The following CAPN9 variants were observed in gnomAD, a reference collection of about 807,000 sequenced individuals.
CAPN9 encodes calpain 9, also known as calpain-9.
A neutral mutation model predicts 92.8 loss-of-function variants in CAPN9; 81 were observed. The observed-to-expected ratio is 0.87, with a 90% CI of 0.73 to 1.05. CAPN9 has a LOEUF of 1.05. CAPN9 is among the 50% of genes least tolerant of loss of function. The pLI is 0.00. For missense variants in CAPN9, 848 were observed against 866.2 expected (o/e 0.98, Z 0.26); for synonymous variants, 304 against 328.0 (o/e 0.93, Z 0.79).
chr1:230,750,124 C>T (rs1378390214), intron 1 of CAPN9, among the ~76,000 whole-genome samples: 1 of 152,158 alleles, frequency 6.6e-6, no homozygotes, highest in African/African-American at 2.4e-5. Context: ...ATTATCTCCT[C>T]TGGCATTGCC....
chr1:230,800,240 A>C lies in CAPN9; in HGVS notation c.2047-1330A>C, dbSNP rs188244124. ...AAAAATAAGAAAGAAAGAAGAAAGA[A>C]AGAAAGAAAGAAAGAAAGAAAGAAA... On this transcript the variant is annotated intron_variant, in intron 19 of 19. Transcript: ENST00000271971. Among the ~76,000 whole-genome samples the C allele has an allele frequency of 9.3e-4, 77 of 82,640 alleles. 1 individual carries two copies. Among genetic ancestry groups the C allele is most frequent in the African/African-American group, 3.6e-3 (72 of 20,064 alleles). The allele number at this position is 82,640 out of a possible 152,430, so 54.2% of individuals were successfully genotyped here. A position where few individuals can be genotyped will look rare whatever the true frequency, so the allele number is the denominator to read the frequency against.
intron 11 of CAPN9, among the ~76,000 whole-genome samples, chr1:230,785,703 C>A (rs982857238): frequency 4.6e-5 from 7 of 152,186 alleles, no homozygotes; most frequent in African/African-American, 1.7e-4. Context: ...AATCTCTTTT[C>A]TTTATAAATT....
At chr1:230,792,670 C>T (rs1180752035) in intron 16 of CAPN9, among the ~76,000 whole-genome samples, 176 bp downstream of exon 16, 1 of 152,224 alleles carries the variant, frequency 6.6e-6, no homozygotes, top group Non-Finnish European at 1.5e-5. Context: ...CACCGTGCTT[C>T]CACCCAAGAC....
chr1:230,749,232 G>C (rs891510533), intron 1 of CAPN9, among the ~76,000 whole-genome samples: 9 of 152,220 alleles, frequency 5.9e-5, no homozygotes, highest in African/African-American at 2.2e-4. Context: ...TTGGTTCTCT[G>C]CATATGGCCA....
chr1:230,794,989 T>A (rs564390153), intron 17 of CAPN9, 174 bp from the exon 18 acceptor site: 3 of 591,728 alleles, frequency 5.1e-6, no homozygotes, highest in African/African-American at 3.7e-5. Flanking sequence ...TCACGCTGCA[T>A]TCACACCAAG....
Position 230,794,566 on chromosome 1 carries a change from G to C in CAPN9, c.1871-597G>C, listed in dbSNP as rs28359723. Reference sequence around the variant, plus strand: ...TTGACAATGAGGAAACCAAAGCCCAGAGAACTGAACCCATATGCCACGGCT... The same window carrying C: ...TTGACAATGAGGAAACCAAAGCCCACAGAACTGAACCCATATGCCACGGCT... On this transcript the variant is annotated intron_variant, in intron 17 of 19. Transcript: ENST00000271971. 7.7e-4 allele frequency among the ~76,000 whole-genome samples: 117 copies of C among 152,340 alleles called. 4 individuals carry two copies. The East Asian group carries it at 0.021, about 28-fold the overall frequency.
chr1:230,750,216 C>G (rs1664678886), intron 1 of CAPN9, among the ~76,000 whole-genome samples: 1 of 152,198 alleles, frequency 6.6e-6, no homozygotes, highest in Non-Finnish European at 1.5e-5. Flanking sequence ...CCCGACCTGC[C>G]ACCCAGCCCA....
chr1:230,787,495 G>T, intron 12 of CAPN9, 27 bp from the exon 13 acceptor site: 1 of 1,594,624 alleles, frequency 6.3e-7, no homozygotes, highest in Non-Finnish European at 8.6e-7. Flanking sequence ...GGATCATTTT[G>T]TGCAAGTTTC....
intron 8 of CAPN9, chr1:230,776,010 G>A (rs1244779746): frequency 6.6e-6 from 1 of 151,032 alleles, no homozygotes; most frequent in Non-Finnish European, 1.5e-5. Flanking sequence ...GTAGTGATTT[G>A]TTCTGCCTTC....
intron 1 of CAPN9, 128 bp from the exon 2 acceptor site, chr1:230,755,209 C>T (rs564424168): frequency 1.7e-5 from 12 of 722,228 alleles, no homozygotes; most frequent in South Asian, 1.0e-4. Flanking sequence ...CGTGGCCCTC[C>T]TCAGGGAAAA....
Position 230,747,708 on chromosome 1 carries a change from G to A in CAPN9, c.212G>A (p.Gly71Glu). ...ATCCCCTTTGTGTGGAAACGACCAGGGGTGAGTGGGGCGAGCAGGGGAAGG... is the reference window on the plus strand; with the variant it reads ...ATCCCCTTTGTGTGGAAACGACCAGAGGTGAGTGGGGCGAGCAGGGGAAGG... ...PQIPFVWKRP[G>E]EIVKNPEFIL... Residue 71 changes from glycine (G) to glutamate (E), a missense_variant and splice_region_variant, in exon 1 of 20, where the codon GGG (glycine) becomes GAG (glutamate). Gly to Glu is a moderately conservative substitution (Grantham distance 98). Coordinates refer to ENST00000271971, the MANE Select transcript of CAPN9 (RefSeq NM_006615.3). 3 of 1,613,782 alleles carry A rather than the reference G, an allele frequency of 1.9e-6. No individual in the cohort carries two copies. The highest frequency in any genetic ancestry group is 1.7e-5 in the Admixed American group (1 of 60,014).
At chr1:230,798,305 A>G in intron 19 of CAPN9, 85 bp downstream of exon 19, 1 of 867,342 alleles carries the variant, frequency 1.2e-6, no homozygotes, top group Non-Finnish European at 1.9e-6. Flanking sequence ...CGAATGCTTG[A>G]TTTCATGCAA....
In CAPN9 at chr1:230,769,273, T is replaced by C; in HGVS notation, c.789+10T>C. The C allele has an allele frequency of 6.2e-7, 1 of 1,600,150 alleles. No homozygotes were observed. Among genetic ancestry groups the C allele is most frequent in the Non-Finnish European group, 8.6e-7 (1 of 1,167,516 alleles). On this transcript the variant is annotated intron_variant, in intron 6 of 19. Coordinates refer to ENST00000271971, the MANE Select transcript of CAPN9 (RefSeq NM_006615.3). ...AACGGGAATTGACCAGGTAGGCGAC[T>C]TGAACTCCAACTGCAGGCTATGGGG...
chr1:230,800,244 AAG>A (rs1187446205), intron 19 of CAPN9, among the ~76,000 whole-genome samples: 2 of 100,642 alleles, frequency 2.0e-5, no homozygotes, highest in Non-Finnish European at 4.2e-5. Flanking sequence ...GAAAGAAAGA[AAG>A]AAAGAAAGAA....
intron 1 of CAPN9, among the ~76,000 whole-genome samples, chr1:230,751,601 GAAAGAA>G (rs1664795333): frequency 8.4e-5 from 1 of 11,858 alleles, no homozygotes; most frequent in Non-Finnish European, 1.8e-4. Flanking sequence ...AAGAAAGAAA[GAAAGAA>G]AGAGAAAGAA....
At chr1:230,752,687 G>C (rs989124344) in intron 1 of CAPN9, 1 of 985,272 alleles carries the variant, frequency 1.0e-6, no homozygotes, top group Non-Finnish European at 1.2e-6. Flanking sequence ...GGGATCTGTG[G>C]CTTTTGGAGT....
chr1:230,786,951 G>A (rs1667633966), intron 12 of CAPN9, among the ~76,000 whole-genome samples: 1 of 152,026 alleles, frequency 6.6e-6, no homozygotes, highest in South Asian at 2.1e-4. Flanking sequence ...TACTATAGCT[G>A]GAAATAGTCT....
chr1:230,770,230 C>T (rs1375403201), intron 6 of CAPN9, among the ~76,000 whole-genome samples: 2 of 152,022 alleles, frequency 1.3e-5, no homozygotes, highest in Non-Finnish European at 2.9e-5. Context: ...GAAAGGAAGG[C>T]CTAGCCACCA....
chr1:230,749,163 C>A (rs1382888800), intron 1 of CAPN9, among the ~76,000 whole-genome samples: 1 of 152,224 alleles, frequency 6.6e-6, no homozygotes, highest in Non-Finnish European at 1.5e-5. Context: ...GTGGCCCTAT[C>A]GGAGTTGGGG....
Sources: allele counts gnomAD v4.1 joint callset (sites outside exome capture counted in the v4.1 genomes callset), GRCh38; gene constraint gnomAD v4.1.1; transcripts MANE v1.5; gene names NCBI Gene and HGNC (gene_info 2026-07-23, HGNC 2026-07-21).